The following TMEM117 variants were observed in gnomAD, a reference collection of about 807,000 sequenced individuals.
TMEM117 encodes transmembrane protein 117.
A neutral mutation model predicts 52.4 loss-of-function variants in TMEM117; 27 were observed. The ratio of observed to expected loss-of-function variants is 0.51; its 90% CI spans 0.38 to 0.71. The LOEUF (loss-of-function observed/expected upper bound fraction) is 0.71. Ranked by LOEUF, TMEM117 falls within the 30% of genes least tolerant of loss-of-function variation. The pLI is 0.00. For synonymous variants in TMEM117, 215 were observed against 206.3 expected (o/e 1.04, Z -0.36); for missense variants, 556 against 630.5 (o/e 0.88, Z 1.26).
At chr12:43,970,059 C>T (rs962566867) in intron 3 of TMEM117, among the ~76,000 whole-genome samples, 1 of 152,062 alleles carries the variant, frequency 6.6e-6, no homozygotes, top group African/African-American at 2.4e-5. Flanking sequence ...GCTTGATGAA[C>T]TCTTGTGCCA....
chr12:44,009,871 A>G (rs540799655), intron 3 of TMEM117: 10 of 271,262 alleles, frequency 3.7e-5, no homozygotes, highest in South Asian at 1.1e-4. Context: ...TCTAACATCA[A>G]TATTTCCAAG....
rs1361397843 is a variant in TMEM117, at chr12:43,868,274, C to T, written c.277+23346C>T. On this transcript the variant is annotated intron_variant, in intron 2 of 7. Coordinates refer to ENST00000266534, the MANE Select transcript of TMEM117 (RefSeq NM_032256.3). ...ACACACTTCAGGCTATGCATGGTGG[C>T]TCATGCCTGTTATCCTAGCACTTTG... Among the ~76,000 whole-genome samples, 4 of 148,630 alleles carry T rather than the reference C, an allele frequency of 2.7e-5. No homozygotes were observed. In the South Asian group the frequency reaches 8.8e-4, roughly 33 times the overall value.
chr12:43,899,711 C>G (rs1396531993), intron 2 of TMEM117, among the ~76,000 whole-genome samples: 1 of 152,116 alleles, frequency 6.6e-6, no homozygotes, highest in African/African-American at 2.4e-5. Flanking sequence ...TTATTGAGCA[C>G]CTGCCCAATA....
In TMEM117 at chr12:44,313,817, A is replaced by G. The variant is rs1200368173; in HGVS notation, c.768+14078A>G. Among the ~76,000 whole-genome samples the G allele has an allele frequency of 5.9e-5, 9 of 152,010 alleles. No individual in the cohort carries two copies. In the South Asian group the frequency reaches 8.3e-4, roughly 14 times the overall value. ...GTAGTTCTCCTTGTAGAGATATTTT[A>G]TATCCTTAGTTGGTTGTATTCCTAG... On this transcript the variant is annotated intron_variant, in intron 6 of 7. Coordinates refer to ENST00000266534, the MANE Select transcript of TMEM117 (RefSeq NM_032256.3).
intron 5 of TMEM117, among the ~76,000 whole-genome samples, chr12:44,279,665 C>A (rs1045399984): frequency 1.3e-5 from 2 of 152,106 alleles, no homozygotes; most frequent in African/African-American, 4.8e-5. Context: ...AGGCGCATGC[C>A]ACCACGCCCG....
At chr12:43,977,323 G>A (rs1945687797) in intron 3 of TMEM117, among the ~76,000 whole-genome samples, 1 of 152,078 alleles carries the variant, frequency 6.6e-6, no homozygotes, top group African/African-American at 2.4e-5. Flanking sequence ...TGCGGGTTCT[G>A]CAGGGACATT....
chr12:44,309,132 T>C (rs904463176), intron 6 of TMEM117, among the ~76,000 whole-genome samples: 2 of 152,230 alleles, frequency 1.3e-5, no homozygotes, highest in Non-Finnish European at 2.9e-5. Flanking sequence ...GAGCTATTGT[T>C]AGACCGACAA....
At chr12:43,958,870 G>C (rs111789075) in intron 3 of TMEM117, among the ~76,000 whole-genome samples, 6,852 of 152,134 alleles carry the variant, frequency 0.045, 220 homozygotes, top group Non-Finnish European at 0.071. Context: ...GCAGTGGCGG[G>C]ATCTCGGCTC....
At chr12:44,065,970 T>A (rs1164460365) in intron 3 of TMEM117, among the ~76,000 whole-genome samples, 2 of 152,202 alleles carry the variant, frequency 1.3e-5, no homozygotes, top group Non-Finnish European at 2.9e-5. Flanking sequence ...AAAGAATGAT[T>A]TGTGAATCAG....
At chr12:44,233,025 A>G (rs1949951936) in intron 5 of TMEM117, among the ~76,000 whole-genome samples, 1 of 151,286 alleles carries the variant, frequency 6.6e-6, no homozygotes, top group Admixed American at 6.6e-5. Flanking sequence ...AATGATTTAT[A>G]TGCAGTTTAT....
chr12:44,216,244 G>A (rs574398606), intron 5 of TMEM117, among the ~76,000 whole-genome samples: 13 of 151,996 alleles, frequency 8.6e-5, no homozygotes, highest in East Asian at 1.9e-4. Context: ...CTGACCTCGC[G>A]ATCTGCCCGC....
intron 4 of TMEM117, among the ~76,000 whole-genome samples, chr12:44,147,918 C>T (rs1163677382): frequency 6.9e-6 from 1 of 144,394 alleles, no homozygotes; most frequent in African/African-American, 2.6e-5. Context: ...GGTGATAGAG[C>T]GAGACTCTGT....
At chr12:44,232,730 T>A (rs1404418200) in intron 5 of TMEM117, among the ~76,000 whole-genome samples, 3 of 151,492 alleles carry the variant, frequency 2.0e-5, no homozygotes, top group Non-Finnish European at 4.4e-5. Context: ...TCTCTGAATA[T>A]TGATACATAT....
intron 2 of TMEM117, among the ~76,000 whole-genome samples, chr12:43,928,357 T>G (rs1944815061): frequency 6.6e-6 from 1 of 152,000 alleles, no homozygotes; most frequent in Non-Finnish European, 1.5e-5. Context: ...CCATTTCTTT[T>G]TGCCTCAGAT....
chr12:43,844,981 C>T lies in TMEM117; in HGVS notation c.277+53C>T, dbSNP rs903940585. 2.7e-5 allele frequency: 42 copies of T among 1,546,984 alleles called. No individual in the cohort carries two copies. In the South Asian group the frequency reaches 3.7e-4, roughly 14 times the overall value. Reference sequence around the variant, plus strand: ...TATCACTAATTATTTAATTTCTATTCTCCAAGATACAACTTTGCTATTTCT... The same window carrying T: ...TATCACTAATTATTTAATTTCTATTTTCCAAGATACAACTTTGCTATTTCT... On this transcript the variant is annotated intron_variant, in intron 2 of 7. Transcript: ENST00000266534.
intron 2 of TMEM117, among the ~76,000 whole-genome samples, chr12:43,922,253 A>G (rs577934383): frequency 1.8e-4 from 28 of 152,226 alleles, no homozygotes; most frequent in African/African-American, 6.3e-4. Flanking sequence ...GGTTCTCTAA[A>G]TAGAAAGGGA....
At chr12:44,298,952 TC>T (rs1486525195) in intron 5 of TMEM117, among the ~76,000 whole-genome samples, 9 of 150,668 alleles carry the variant, frequency 6.0e-5, no homozygotes, top group Admixed American at 3.3e-4. Context: ...ACATTGCATG[TC>T]CACTACCCTT....
At position 44,160,240 on chromosome 12, in the gene TMEM117, T is replaced by G. The variant is rs557429457; in HGVS notation, c.510+16616T>G. Among the ~76,000 whole-genome samples the G allele has an allele frequency of 5.3e-5, 8 of 152,264 alleles. 1 individual carries two copies. The highest frequency in any genetic ancestry group is 3.3e-4 in the Admixed American group (5 of 15,298). On this transcript the variant is annotated intron_variant, in intron 4 of 7. Transcript: ENST00000266534. The stretch of plus-strand genomic sequence containing the variant: ...GTGTTATATTGAGCATCTAAATTAT[T>G]TTGTTCATGCATTAAGTAAATTACA...
intron 2 of TMEM117, among the ~76,000 whole-genome samples, chr12:43,882,023 G>C (rs957474007): frequency 3.3e-5 from 5 of 151,846 alleles, no homozygotes; most frequent in Non-Finnish European, 5.9e-5. Context: ...AGTGAGCCCA[G>C]ATCGAGCCAC....
Sources: allele counts gnomAD v4.1 joint callset (sites outside exome capture counted in the v4.1 genomes callset), GRCh38; gene constraint gnomAD v4.1.1; transcripts MANE v1.5; gene names NCBI Gene and HGNC (gene_info 2026-07-23, HGNC 2026-07-21).